LINGO2: variants seen among roughly 807,000 people sequenced by gnomAD.
LINGO2 encodes leucine-rich repeat and immunoglobulin-like domain-containing nogo receptor-interacting protein 2.
Under a neutral mutation model 30.6 loss-of-function variants are expected in LINGO2, and 14 were observed. The observed-to-expected ratio is 0.46, with a 90% confidence interval of 0.30 to 0.72. The LOEUF (loss-of-function observed/expected upper bound fraction) is 0.72. Ranked by LOEUF, LINGO2 falls within the 30% of genes least tolerant of loss-of-function variation. The pLI is 0.07. For synonymous variants in LINGO2, 317 were observed against 288.5 expected (o/e 1.10, Z -1.00); for missense variants, 729 against 751.7 (o/e 0.97, Z 0.35).
At chr9:28,616,480 G>A (rs533372705) in intron 1 of LINGO2, among the ~76,000 whole-genome samples, 2 of 152,178 alleles carry the variant, frequency 1.3e-5, no homozygotes, top group South Asian at 4.2e-4. Context: ...TTTTACAAAG[G>A]CCCTTAAGTA....
At chr9:28,156,696 A>AACACCACAT (rs1828140758) in intron 4 of LINGO2, among the ~76,000 whole-genome samples, 1 of 152,216 alleles carries the variant, frequency 6.6e-6, no homozygotes, top group Non-Finnish European at 1.5e-5. Flanking sequence ...ATCAAAAGCA[A>AACACCACAT]GTTAGTTACT....
intron 2 of LINGO2, among the ~76,000 whole-genome samples, chr9:28,381,178 T>G (rs908022399): frequency 5.3e-5 from 8 of 151,860 alleles, no homozygotes; most frequent in Admixed American, 2.6e-4. Flanking sequence ...AGTCCTAGTG[T>G]GGAAGGTAAC....
the LINGO2 span, among the ~76,000 whole-genome samples, chr9:28,973,103 G>A: frequency 6.6e-6 from 1 of 152,094 alleles, no homozygotes; most frequent in African/African-American, 2.4e-5. Context: ...CAAGGACATA[G>A]GGGTAGAATG....
chr9:28,595,746 C>G (rs1380849887), intron 1 of LINGO2, among the ~76,000 whole-genome samples: 3 of 151,996 alleles, frequency 2.0e-5, no homozygotes, highest in Admixed American at 1.3e-4. Context: ...AAGACTGAGG[C>G]AGAAACTAGG....
intron 4 of LINGO2, among the ~76,000 whole-genome samples, chr9:28,141,435 C>T (rs1827669049): frequency 6.6e-6 from 1 of 152,142 alleles, no homozygotes; most frequent in Admixed American, 6.6e-5. Context: ...GCTTGGGAAG[C>T]CTCACATAAA....
intron 4 of LINGO2, chr9:28,149,237 T>C (rs1428074055): frequency 1.1e-6 from 1 of 879,294 alleles, no homozygotes; most frequent in South Asian, 1.6e-5. Context: ...ACGCCTGTAA[T>C]CAAGCACTTT....
chr9:28,852,568 C>T, the LINGO2 span, among the ~76,000 whole-genome samples: 5 of 151,954 alleles, frequency 3.3e-5, no homozygotes, highest in African/African-American at 1.2e-4. Context: ...ATTACTGGTA[C>T]TGCCATGATA....
chr9:28,669,830 G>A (rs186833439), intron 1 of LINGO2, among the ~76,000 whole-genome samples: 1 of 151,884 alleles, frequency 6.6e-6, no homozygotes, highest in Non-Finnish European at 1.5e-5. Context: ...TATTAATAAA[G>A]AAACATCTTC....
At chr9:28,808,826 A>G in the LINGO2 span, among the ~76,000 whole-genome samples, 19 of 152,314 alleles carry the variant, frequency 1.2e-4, no homozygotes, top group African/African-American at 3.6e-4. Context: ...TTAACACTCT[A>G]TAAGTATTTC....
chr9:28,025,870 G>A (rs1363730359), intron 4 of LINGO2, among the ~76,000 whole-genome samples: 1 of 149,738 alleles, frequency 6.7e-6, no homozygotes, highest in Non-Finnish European at 1.5e-5. Flanking sequence ...GTTAAATATG[G>A]TCTACACATG....
chr9:28,593,182 T>C (rs1477299700), intron 1 of LINGO2, among the ~76,000 whole-genome samples: 1 of 152,132 alleles, frequency 6.6e-6, no homozygotes, highest in Non-Finnish European at 1.5e-5. Context: ...TAGATGCTCT[T>C]ATATTTCCTA....
At chr9:28,479,301 T>A (rs1321403222) in intron 1 of LINGO2, among the ~76,000 whole-genome samples, 1 of 151,894 alleles carries the variant, frequency 6.6e-6, no homozygotes, top group Non-Finnish European at 1.5e-5. Context: ...AATTTTTTTT[T>A]AAAGAATCAT....
chr9:28,450,248 T>C (rs1333601131), intron 2 of LINGO2, among the ~76,000 whole-genome samples: 2 of 152,012 alleles, frequency 1.3e-5, no homozygotes, highest in Non-Finnish European at 2.9e-5. Flanking sequence ...CTAAGTCCAA[T>C]CTAAGACCCA....
the LINGO2 span, among the ~76,000 whole-genome samples, chr9:29,094,097 A>G: frequency 4.5e-4 from 63 of 138,806 alleles, 12 homozygotes; most frequent in Non-Finnish European, 8.5e-4. Context: ...ATCCCTTAAC[A>G]TCCAGTTATC....
intron 4 of LINGO2, among the ~76,000 whole-genome samples, chr9:28,076,390 C>A (rs576419371): frequency 4.6e-5 from 7 of 152,204 alleles, no homozygotes; most frequent in Admixed American, 3.3e-4. Context: ...AACTTCCCCC[C>A]AAACAGTAAA....
At chr9:28,643,421 C>G (rs554668503) in intron 1 of LINGO2, among the ~76,000 whole-genome samples, 2 of 151,972 alleles carry the variant, frequency 1.3e-5, no homozygotes, top group East Asian at 1.9e-4. Context: ...AACAAAGATG[C>G]CAAGAACACA....
the LINGO2 span, chr9:28,888,965 C>T: frequency 5.7e-6 from 3 of 527,422 alleles, no homozygotes; most frequent in Non-Finnish European, 1.2e-5. Flanking sequence ...CAAACTTATT[C>T]TAAGCAGGAA....
chr9:28,429,108 A>G (rs1190408772), intron 2 of LINGO2, among the ~76,000 whole-genome samples: 1 of 152,202 alleles, frequency 6.6e-6, no homozygotes, highest in Non-Finnish European at 1.5e-5. Context: ...CTAATAAATC[A>G]TCTTAACAGC....
At chr9:28,712,239 A>G in the LINGO2 span, among the ~76,000 whole-genome samples, 1 of 152,266 alleles carries the variant, frequency 6.6e-6, no homozygotes, top group South Asian at 2.1e-4. Flanking sequence ...AGTGAGAAAT[A>G]AACGTTTTTG....
Sources: allele counts gnomAD v4.1 joint callset (sites outside exome capture counted in the v4.1 genomes callset), GRCh38; gene constraint gnomAD v4.1.1; transcripts MANE v1.5; gene names NCBI Gene and HGNC (gene_info 2026-07-23, HGNC 2026-07-21).